The following ST7 variants were observed in gnomAD, a reference collection of about 807,000 sequenced individuals.
ST7 encodes suppressor of tumorigenicity 7 protein.
A neutral mutation model predicts 78.7 loss-of-function variants in ST7; 28 were observed. The ratio of observed to expected loss-of-function variants is 0.36; its 90% confidence interval spans 0.26 to 0.49. The LOEUF (loss-of-function observed/expected upper bound fraction) is 0.49. Among genes scored for constraint, ST7 ranks in the 20% least tolerant of loss-of-function variants. The pLI is 0.99. For synonymous variants in ST7, 247 were observed against 249.6 expected (o/e 0.99, Z 0.10); for missense variants, 418 against 696.0 (o/e 0.60, Z 4.49).
At chr7:117,193,859 A>T (rs1810024590) in intron 12 of ST7, among the ~76,000 whole-genome samples, 1 of 152,220 alleles carries the variant, frequency 6.6e-6, no homozygotes, top group Non-Finnish European at 1.5e-5. Context: ...CTGAGAACTG[A>T]CTTCCTTGCA....
At chr7:117,200,569 C>T (rs550444154) in intron 12 of ST7, among the ~76,000 whole-genome samples, 3 of 152,240 alleles carry the variant, frequency 2.0e-5, no homozygotes, top group African/African-American at 2.4e-5. Context: ...TCACTGTGCC[C>T]GCCCAAGAGG....
intron 10 of ST7, among the ~76,000 whole-genome samples, chr7:117,183,144 G>A (rs559530354): frequency 6.6e-6 from 1 of 152,086 alleles, no homozygotes; most frequent in South Asian, 2.1e-4. Context: ...ATTTTTTATT[G>A]GCTAGGTGCG....
In ST7 at chr7:117,091,770, T is replaced by A. The variant is rs1490620039; in HGVS notation, c.152-7992T>A. On this transcript the variant is annotated intron_variant, in intron 1 of 15. Coordinates refer to ENST00000323984, the MANE Select transcript of ST7 (RefSeq NM_001369598.1). ...GTAAATATAGCAGTTTAACACACAC[T>A]TCTTATCTCTCAGTTTCTGTGTCAG... Among the ~76,000 whole-genome samples the A allele has an allele frequency of 5.9e-5, 9 of 152,310 alleles. No homozygotes were observed. In the South Asian group the frequency reaches 1.2e-3, roughly 21 times the overall value.
intron 1 of ST7, among the ~76,000 whole-genome samples, chr7:116,973,307 G>T (rs1479739355): frequency 6.6e-6 from 1 of 152,082 alleles, no homozygotes; most frequent in Admixed American, 6.5e-5. Context: ...ACCCAGGCTG[G>T]AGTGCAGTGG....
intron 2 of ST7, among the ~76,000 whole-genome samples, chr7:117,101,270 A>T (rs1324458294): frequency 6.6e-6 from 1 of 152,040 alleles, no homozygotes; most frequent in Admixed American, 6.5e-5. Context: ...TCAGGGTCCC[A>T]CTCTTTTCCA....
At chr7:117,006,393 T>C (rs187381748) in intron 1 of ST7, among the ~76,000 whole-genome samples, 46 of 152,354 alleles carry the variant, frequency 3.0e-4, no homozygotes, top group African/African-American at 1.1e-3. Flanking sequence ...ACTTCAGGAG[T>C]TGCTTTCTAC....
chr7:117,150,526 G>T (rs757888952), intron 9 of ST7, among the ~76,000 whole-genome samples: 2 of 152,090 alleles, frequency 1.3e-5, no homozygotes, highest in Non-Finnish European at 2.9e-5. Flanking sequence ...TCTCTCACTT[G>T]TGTAATTTCT....
chr7:116,998,514 G>A (rs576464482), intron 1 of ST7, among the ~76,000 whole-genome samples: 7 of 152,376 alleles, frequency 4.6e-5, no homozygotes, highest in Admixed American at 3.3e-4. Context: ...AGGAGGTGCC[G>A]AGAGTGAGCA....
intron 1 of ST7, among the ~76,000 whole-genome samples, chr7:117,031,897 T>TGGCAATGGAG (rs1796617261): frequency 1.6e-5 from 2 of 123,980 alleles, no homozygotes; most frequent in African/African-American, 2.8e-5. Context: ...TTTTTTTTTT[T>TGGCAATGGAG]TGGCAATGGA....
Position 116,961,470 on chromosome 7 carries a change from C to A in ST7, c.151+7779C>A, listed in dbSNP as rs574155281. On this transcript the variant is annotated intron_variant, in intron 1 of 15. Transcript: ENST00000323984. ...TGAGCATGGGATGTTTTTCCATTTGCTTGTGTCATCTCTGATCTCTTTGAG... is the reference window on the plus strand; with the variant it reads ...TGAGCATGGGATGTTTTTCCATTTGATTGTGTCATCTCTGATCTCTTTGAG... Among the ~76,000 whole-genome samples the A allele has an allele frequency of 1.4e-3, 217 of 151,550 alleles. 1 individual carries two copies. Among genetic ancestry groups the A allele is most frequent in the African/African-American group, 4.8e-3 (199 of 41,260 alleles).
chr7:117,025,194 T>A (rs1331654743), intron 1 of ST7, among the ~76,000 whole-genome samples: 1 of 152,180 alleles, frequency 6.6e-6, no homozygotes, highest in Middle Eastern at 3.2e-3. Context: ...AACTTGGGCC[T>A]GTTGTTTTGG....
chr7:116,958,528 C>A, intron 1 of ST7: 1 of 441,768 alleles, frequency 2.3e-6, no homozygotes. Flanking sequence ...GTCTTTTGCC[C>A]CTGTTGTGCC....
In ST7 at chr7:116,993,980, T is replaced by C. The variant is rs1442771974; in HGVS notation, c.151+40289T>C. Among the ~76,000 whole-genome samples the C allele has an allele frequency of 3.9e-5, 6 of 152,256 alleles. No individual in the cohort carries two copies. The South Asian group carries it at 1.2e-3, about 31-fold the overall frequency. On this transcript the variant is annotated intron_variant, in intron 1 of 15. Transcript: ENST00000323984. ...GAGAGGTAGATGCCTAATTTCTTAG[T>C]TTTCTTTTTAAAATTATGCTAAAAT... is the stretch of plus-strand genomic sequence containing the variant.
chr7:117,202,253 C>T (rs1810937200), intron 12 of ST7, among the ~76,000 whole-genome samples: 1 of 150,992 alleles, frequency 6.6e-6, no homozygotes, highest in African/African-American at 2.4e-5. Flanking sequence ...TGAGCCACCG[C>T]GCCCGGCCTC....
intron 12 of ST7, among the ~76,000 whole-genome samples, chr7:117,197,821 C>T (rs1312240956): frequency 2.6e-5 from 4 of 152,158 alleles, no homozygotes; most frequent in East Asian, 1.9e-4. Flanking sequence ...GGGTTCATCA[C>T]GCCTGTAATT....
At chr7:117,045,991 A>G (rs1355535140) in intron 1 of ST7, among the ~76,000 whole-genome samples, 1 of 152,232 alleles carries the variant, frequency 6.6e-6, no homozygotes, top group African/African-American at 2.4e-5. Flanking sequence ...GATGTTTCAT[A>G]TAGAGGGATA....
At chr7:116,988,684 T>A (rs180905985) in intron 1 of ST7, among the ~76,000 whole-genome samples, 91 of 152,314 alleles carry the variant, frequency 6.0e-4, no homozygotes, top group African/African-American at 1.9e-3. Context: ...GATTGTTGTG[T>A]TCTGATTAAA....
intron 11 of ST7, among the ~76,000 whole-genome samples, chr7:117,189,870 AC>A (rs1809617135): frequency 6.6e-6 from 1 of 152,200 alleles, no homozygotes; most frequent in South Asian, 2.1e-4. Context: ...TCTCAATGGT[AC>A]GTTTGCCTAT....
At chr7:117,029,401 G>A (rs1796361420) in intron 1 of ST7, among the ~76,000 whole-genome samples, 2 of 151,916 alleles carry the variant, frequency 1.3e-5, no homozygotes, top group South Asian at 4.1e-4. Flanking sequence ...CTTTCGTTGT[G>A]TTTGTTCAAA....
Sources: allele counts gnomAD v4.1 joint callset (sites outside exome capture counted in the v4.1 genomes callset), GRCh38; gene constraint gnomAD v4.1.1; transcripts MANE v1.5; gene names NCBI Gene and HGNC (gene_info 2026-07-23, HGNC 2026-07-21).